IGSF11: variants seen among roughly 807,000 people sequenced by gnomAD.
IGSF11 encodes the protein CXADR like 1.
IGSF11 carries 22 observed loss-of-function variants against 41.0 expected under a neutral mutation model. That is an observed-to-expected ratio of 0.54 (90% confidence interval 0.38 to 0.77). The LOEUF (loss-of-function observed/expected upper bound fraction) is 0.77, where lower values mean the gene tolerates loss of function less well. Among genes scored for constraint, IGSF11 ranks in the 30% least tolerant of loss-of-function variants. The pLI, the probability that IGSF11 is intolerant of heterozygous loss-of-function variation, is 0.00. For synonymous variants in IGSF11, 219 were observed against 201.3 expected, an observed-to-expected ratio of 1.09 and a Z score of -0.74; for missense variants, 444 against 530.8, an observed-to-expected ratio of 0.84 and a Z score of 1.61.
At chr3:118,941,977 G>A (rs2107559732) in intron 1 of IGSF11, among the ~76,000 whole-genome samples, 1 of 152,206 alleles carries the variant, frequency 6.6e-6, no homozygotes, top group South Asian at 2.1e-4. Flanking sequence ...TGGGACTGAG[G>A]GTTAAAGTTT....
At chr3:118,948,897 A>G (rs535638086) in intron 1 of IGSF11, among the ~76,000 whole-genome samples, 85 of 151,130 alleles carry the variant, frequency 5.6e-4, no homozygotes, top group African/African-American at 2.0e-3. Context: ...GCGTGAACCC[A>G]GGAGGCGGAG....
intron 1 of IGSF11, among the ~76,000 whole-genome samples, chr3:119,070,884 CT>C (rs1340223499): frequency 1.3e-5 from 2 of 152,140 alleles, no homozygotes; most frequent in African/African-American, 4.8e-5. Flanking sequence ...AACATAGCTA[CT>C]TTTTTGTCCA....
chr3:118,947,853 TTG>T (rs1944274985), intron 1 of IGSF11: 1 of 152,238 alleles, frequency 6.6e-6, no homozygotes, highest in African/African-American at 2.4e-5. Flanking sequence ...ACTGTATATT[TTG>T]TGTGTGTTTG....
At chr3:118,987,486 A>T (rs72968651) in intron 1 of IGSF11, among the ~76,000 whole-genome samples, 2 of 152,304 alleles carry the variant, frequency 1.3e-5, no homozygotes, top group East Asian at 3.9e-4. Context: ...AGTCCTGCCT[A>T]GTAGTGTGGA....
chr3:118,993,067 A>G (rs762217681), intron 1 of IGSF11, among the ~76,000 whole-genome samples: 13 of 152,112 alleles, frequency 8.5e-5, no homozygotes, highest in Admixed American at 1.3e-4. Flanking sequence ...CTCTACAAAA[A>G]ATTTAAAAAT....
chr3:119,081,416 A>G (rs2076584253), intron 1 of IGSF11, among the ~76,000 whole-genome samples: 2 of 152,272 alleles, frequency 1.3e-5, no homozygotes, highest in Non-Finnish European at 1.5e-5. Context: ...TACCTAGGTG[A>G]ATACTGAATC....
chr3:119,070,076 C>T (rs546243023), intron 1 of IGSF11, among the ~76,000 whole-genome samples: 1 of 152,236 alleles, frequency 6.6e-6, no homozygotes, highest in East Asian at 1.9e-4. Context: ...GAAACTTGAT[C>T]AAGAATACAT....
intron 1 of IGSF11, among the ~76,000 whole-genome samples, chr3:119,087,781 TAA>T (rs1286975402): frequency 6.6e-6 from 1 of 152,072 alleles, no homozygotes; most frequent in Non-Finnish European, 1.5e-5. Context: ...AAATAAAAAT[TAA>T]AATTTTTTTT....
intron 1 of IGSF11, among the ~76,000 whole-genome samples, chr3:119,049,258 C>G (rs1180434276): frequency 1.3e-5 from 2 of 151,290 alleles, no homozygotes; most frequent in African/African-American, 4.8e-5. Context: ...CCCATTGTCT[C>G]AGCCCAAAAT....
intron 1 of IGSF11, among the ~76,000 whole-genome samples, chr3:119,044,503 G>A (rs1941242521): frequency 6.6e-6 from 1 of 152,084 alleles, no homozygotes; most frequent in Admixed American, 6.5e-5. Context: ...AATAATTGAG[G>A]AAAACTTCCC....
At chr3:119,007,750 C>T (rs1937605141) in intron 1 of IGSF11, among the ~76,000 whole-genome samples, 1 of 152,130 alleles carries the variant, frequency 6.6e-6, no homozygotes, top group Admixed American at 6.5e-5. Flanking sequence ...TCAAGTTTTC[C>T]CTTTTCTTTG....
At chr3:119,138,306 T>C (rs1329724439) in intron 1 of IGSF11, among the ~76,000 whole-genome samples, 2 of 152,192 alleles carry the variant, frequency 1.3e-5, no homozygotes. Context: ...TAGCCAATAT[T>C]TGGAAGCAAC....
intron 1 of IGSF11, among the ~76,000 whole-genome samples, chr3:119,072,538 G>A (rs755269906): frequency 2.0e-5 from 3 of 152,172 alleles, no homozygotes; most frequent in African/African-American, 7.2e-5. Flanking sequence ...ATGTTCGGAC[G>A]TGTTCAGACT....
chr3:118,981,539 C>T (rs888037573), intron 1 of IGSF11, among the ~76,000 whole-genome samples: 3 of 152,130 alleles, frequency 2.0e-5, no homozygotes, highest in Admixed American at 6.5e-5. Context: ...ACACAGTTTC[C>T]AGTTCTTCAC....
chr3:119,097,438 C>G (rs554694857), intron 1 of IGSF11, among the ~76,000 whole-genome samples: 2,974 of 152,132 alleles, frequency 0.02, 82 homozygotes, highest in African/African-American at 0.067. Context: ...GGGGAGCAAA[C>G]TGCTTATGGA....
chr3:118,919,328 C>T (rs1404029058), intron 4 of IGSF11, among the ~76,000 whole-genome samples: 6 of 134,736 alleles, frequency 4.5e-5, no homozygotes, highest in East Asian at 2.2e-4. Flanking sequence ...AGGCAACCTA[C>T]AACATGGGAG....
chr3:118,976,915 C>A (rs1293574034), intron 1 of IGSF11, among the ~76,000 whole-genome samples: 2 of 152,128 alleles, frequency 1.3e-5, no homozygotes, highest in Non-Finnish European at 2.9e-5. Flanking sequence ...CATAAATTCT[C>A]TAAGAAGTGA....
intron 1 of IGSF11, among the ~76,000 whole-genome samples, chr3:119,072,398 T>C (rs529742003): frequency 2.0e-5 from 3 of 152,218 alleles, no homozygotes; most frequent in Non-Finnish European, 2.9e-5. Context: ...TGCCAATGTA[T>C]CTTTAAGAGT....
At chr3:119,060,241 T>G (rs971849861) in intron 1 of IGSF11, among the ~76,000 whole-genome samples, 3 of 152,192 alleles carry the variant, frequency 2.0e-5, no homozygotes, top group African/African-American at 7.2e-5. Flanking sequence ...ATTCTTGTCT[T>G]TCCAGAAAGT....
Sources: gnomAD v4.1 joint callset for allele counts (sites outside exome capture counted in the v4.1 genomes callset) on GRCh38, gnomAD v4.1.1 for gene constraint, MANE v1.5 for transcripts, NCBI Gene and HGNC (gene_info 2026-07-23, HGNC 2026-07-21) for gene names.